Variants in NRG1 observed in about 807,000 individuals in gnomAD.
NRG1 encodes neuregulin 1.
Under a neutral mutation model 63.8 loss-of-function variants are expected in NRG1, and 18 were observed. That is an observed-to-expected ratio of 0.28 (90% CI 0.19 to 0.42). The LOEUF is 0.42. NRG1 is among the 10% of genes least tolerant of loss of function. The pLI, the probability that NRG1 is intolerant of heterozygous loss-of-function variation, is 1.00. For synonymous variants in NRG1, 302 were observed against 301.3 expected (o/e 1.00, Z -0.02); for missense variants, 762 against 814.7 (o/e 0.94, Z 0.79).
intron 1 of NRG1, among the ~76,000 whole-genome samples, chr8:32,243,253 T>G (rs1195596427): frequency 6.6e-6 from 1 of 151,958 alleles, no homozygotes; most frequent in Non-Finnish European, 1.5e-5. Context: ...GTGAAACGTG[T>G]CTCTGCAAAA....
intron 1 of NRG1, among the ~76,000 whole-genome samples, chr8:31,896,494 C>T (rs1049431287): frequency 1.3e-5 from 2 of 152,162 alleles, no homozygotes; most frequent in Non-Finnish European, 2.9e-5. Flanking sequence ...CCAAACGTGT[C>T]CTGCTTTAAA....
At chr8:32,007,922 C>A (rs1189253631) in intron 1 of NRG1, among the ~76,000 whole-genome samples, 1 of 151,864 alleles carries the variant, frequency 6.6e-6, no homozygotes, top group Non-Finnish European at 1.5e-5. Flanking sequence ...GTGATTTATT[C>A]CCTACTCAGT....
intron 1 of NRG1, among the ~76,000 whole-genome samples, chr8:32,403,668 C>A (rs1334254797): frequency 6.6e-6 from 1 of 152,118 alleles, no homozygotes; most frequent in Non-Finnish European, 1.5e-5. Flanking sequence ...ATAGTACCCA[C>A]CCACATCACC....
In NRG1 at chr8:31,698,089, G is replaced by A. The variant is rs77992917; in HGVS notation, c.37+58658G>A. Among the ~76,000 whole-genome samples the A allele has an allele frequency of 8.5e-5, 13 of 152,104 alleles. No homozygotes were observed. In the East Asian group the frequency reaches 2.3e-3, roughly 27 times the overall value. Reference sequence around the variant, plus strand: ...TGCAGCCCCAAATAATGTGTATGTCGGTACTGTCACTACAGTGCTTTGGGT... The same window carrying A: ...TGCAGCCCCAAATAATGTGTATGTCAGTACTGTCACTACAGTGCTTTGGGT... On this transcript the variant is annotated intron_variant, in intron 1 of 10. Coordinates refer to the NRG1 transcript ENST00000519301.
intron 1 of NRG1, among the ~76,000 whole-genome samples, chr8:31,736,922 C>T (rs147770026): frequency 5.9e-5 from 9 of 152,264 alleles, no homozygotes; most frequent in African/African-American, 2.4e-5. Context: ...GTCCTATTAC[C>T]TCTGAGACCC....
intron 6 of NRG1, among the ~76,000 whole-genome samples, chr8:32,737,277 C>G (rs1335170403): frequency 6.6e-6 from 1 of 152,136 alleles, no homozygotes; most frequent in African/African-American, 2.4e-5. Flanking sequence ...AGGGCAGGCA[C>G]AGCAGCTCAT....
chr8:32,209,274 G>T (rs1180952546), intron 1 of NRG1, among the ~76,000 whole-genome samples: 1 of 151,770 alleles, frequency 6.6e-6, no homozygotes, highest in Admixed American at 6.6e-5. Context: ...AAATTATTTA[G>T]TATTATTTAA....
chr8:31,753,997 T>C (rs1816728016), intron 1 of NRG1, among the ~76,000 whole-genome samples: 2 of 152,142 alleles, frequency 1.3e-5, no homozygotes, highest in South Asian at 2.1e-4. Context: ...TCTAACAACT[T>C]AAAGATGTTA....
intron 1 of NRG1, among the ~76,000 whole-genome samples, chr8:32,308,895 T>C (rs767607720): frequency 3.3e-5 from 5 of 152,226 alleles, no homozygotes; most frequent in African/African-American, 4.8e-5. Context: ...TTCCTTCCTC[T>C]ATGGCCTGGG....
intron 1 of NRG1, among the ~76,000 whole-genome samples, chr8:32,568,562 A>G (rs1837906476): frequency 6.6e-6 from 1 of 152,202 alleles, no homozygotes; most frequent in African/African-American, 2.4e-5. Flanking sequence ...TGAAATCAAC[A>G]TCAACATCAC....
intron 1 of NRG1, among the ~76,000 whole-genome samples, chr8:32,244,421 A>T (rs1848418407): frequency 6.6e-6 from 1 of 152,198 alleles, no homozygotes; most frequent in African/African-American, 2.4e-5. Context: ...CAAAGCAGGG[A>T]CTATATTTGA....
At chr8:31,997,496 T>C (rs943551258) in intron 1 of NRG1, among the ~76,000 whole-genome samples, 4 of 152,024 alleles carry the variant, frequency 2.6e-5, no homozygotes, top group Non-Finnish European at 4.4e-5. Context: ...ATAAAGCTCT[T>C]TCACATTCAT....
At chr8:31,928,647 TATACACAC>T (rs1304045774) in intron 1 of NRG1, among the ~76,000 whole-genome samples, 12 of 146,250 alleles carry the variant, frequency 8.2e-5, no homozygotes, top group Non-Finnish European at 1.5e-4. Context: ...TATATATATA[TATACACAC>T]ACACACACAC....
At chr8:32,236,063 CAG>C (rs371248063) in intron 1 of NRG1, among the ~76,000 whole-genome samples, 140 of 152,126 alleles carry the variant, frequency 9.2e-4, no homozygotes, top group African/African-American at 3.1e-3. Flanking sequence ...AGCTAAAATA[CAG>C]AGTCTACTAT....
rs4733282 is a variant in NRG1 at position 31,966,904 on chromosome 8, C to T, written c.37+327473C>T. 6.1e-3 allele frequency among the ~76,000 whole-genome samples: 929 copies of T among 152,180 alleles called. 34 individuals are homozygous for T. Among genetic ancestry groups the T allele is most frequent in the Admixed American group, 0.056 (855 of 15,278 alleles). ...AGCTAAAGTCAACTTCGGTTCTGCC[C>T]TAACGGAGAGCCACAAATAACCCTA... is the stretch of plus-strand genomic sequence containing the variant. On this transcript the variant is annotated intron_variant, in intron 1 of 10. Coordinates refer to the NRG1 transcript ENST00000519301.
At position 32,487,162 on chromosome 8, in the gene NRG1, A is replaced by T. The variant is rs539715883; in HGVS notation, c.38-108666A>T. Among the ~76,000 whole-genome samples, 1,125 of 152,154 alleles carry T rather than the reference A, an allele frequency of 7.4e-3. 10 individuals are homozygous for T. Among genetic ancestry groups the T allele is most frequent in the Non-Finnish European group, 0.011 (781 of 67,988 alleles). Reference sequence around the variant, plus strand: ...TTTCCACTATTGATAAAAAAAAAAAAAATAACGTAAAACAGTGTTGGATTT... The same window carrying T: ...TTTCCACTATTGATAAAAAAAAAAATAATAACGTAAAACAGTGTTGGATTT... On this transcript the variant is annotated intron_variant, in intron 1 of 10. Transcript: ENST00000519301.
At chr8:32,344,346 C>CTTTA in intron 1 of NRG1, among the ~76,000 whole-genome samples, 1 of 77,244 alleles carries the variant, frequency 1.3e-5, no homozygotes. Flanking sequence ...TTCTTTCTTT[C>CTTTA]TTTCTTTCTT....
At chr8:32,376,796 A>C (rs967593960) in intron 1 of NRG1, among the ~76,000 whole-genome samples, 12 of 152,216 alleles carry the variant, frequency 7.9e-5, no homozygotes, top group Non-Finnish European at 4.4e-5. Flanking sequence ...CCAAGCAGTG[A>C]GAGCAAGTAA....
chr8:32,760,598 T>C, intron 11 of NRG1, 192 bp downstream of exon 11: 6 of 1,393,508 alleles, frequency 4.3e-6, no homozygotes, highest in South Asian at 1.5e-5. Flanking sequence ...GCTTCTCTCG[T>C]CGTCCCAGTG....
Sources: allele counts gnomAD v4.1 joint callset (sites outside exome capture counted in the v4.1 genomes callset), GRCh38; gene constraint gnomAD v4.1.1; transcripts MANE v1.5; gene names NCBI Gene and HGNC (gene_info 2026-07-23, HGNC 2026-07-21).